Variants in PHACTR1 observed in about 807,000 individuals in gnomAD.
PHACTR1 encodes the protein RPEL repeat containing 1.
A neutral mutation model predicts 69.2 loss-of-function variants in PHACTR1; 16 were observed. That is an observed-to-expected ratio of 0.23 (90% confidence interval 0.16 to 0.35). The LOEUF is 0.35. Ranked by LOEUF, PHACTR1 falls within the 10% of genes least tolerant of loss-of-function variation. The pLI, the probability that PHACTR1 is intolerant of heterozygous loss-of-function variation, is 1.00. For synonymous variants in PHACTR1, 312 were observed against 284.5 expected, an observed-to-expected ratio of 1.10 and a Z score of -0.97; for missense variants, 510 against 734.7, an observed-to-expected ratio of 0.69 and a Z score of 3.54.
At chr6:12,975,103 T>C (rs1794707205) in intron 4 of PHACTR1, among the ~76,000 whole-genome samples, 1 of 152,196 alleles carries the variant, frequency 6.6e-6, no homozygotes, top group African/African-American at 2.4e-5. Flanking sequence ...GTGCTGACTC[T>C]ATCTGTTACA....
At chr6:13,219,551 A>G (rs755572148) in intron 8 of PHACTR1, among the ~76,000 whole-genome samples, 2 of 152,102 alleles carry the variant, frequency 1.3e-5, no homozygotes, top group Non-Finnish European at 2.9e-5. Context: ...GCAAGGCTGG[A>G]TTATCCAGCC....
At chr6:13,262,658 A>G (rs1046470391) in intron 10 of PHACTR1, among the ~76,000 whole-genome samples, 2 of 152,200 alleles carry the variant, frequency 1.3e-5, no homozygotes, top group Middle Eastern at 3.2e-3. Flanking sequence ...GGAAGTTTCC[A>G]AAGGATGTAG....
chr6:13,218,160 TG>T (rs1283146435), intron 8 of PHACTR1, among the ~76,000 whole-genome samples: 1 of 152,242 alleles, frequency 6.6e-6, no homozygotes, highest in Non-Finnish European at 1.5e-5. Context: ...GAAATGATGG[TG>T]AAATGGATCC....
intron 4 of PHACTR1, among the ~76,000 whole-genome samples, chr6:12,855,660 GGAGGT>G (rs1216803170): frequency 1.3e-5 from 2 of 152,090 alleles, no homozygotes; most frequent in African/African-American, 4.8e-5. Context: ...AGGGAGGAAG[GGAGGT>G]AGTGGCTGAA....
chr6:12,725,813 T>C (rs2127563426), intron 3 of PHACTR1, among the ~76,000 whole-genome samples: 1 of 152,300 alleles, frequency 6.6e-6, no homozygotes, highest in Admixed American at 6.5e-5. Flanking sequence ...GCACTAACAT[T>C]TATTAAATGT....
chr6:13,133,738 GTC>G (rs1820961300), intron 5 of PHACTR1, among the ~76,000 whole-genome samples: 1 of 151,888 alleles, frequency 6.6e-6, no homozygotes. Context: ...AGTGAGGAGC[GTC>G]TCTGCCTGGC....
intron 4 of PHACTR1, among the ~76,000 whole-genome samples, chr6:12,948,762 A>G (rs543894157): frequency 1.3e-5 from 2 of 152,172 alleles, no homozygotes; most frequent in Non-Finnish European, 2.9e-5. Flanking sequence ...CATCATCTAC[A>G]TTTCATTCAC....
intron 4 of PHACTR1, among the ~76,000 whole-genome samples, chr6:12,947,845 A>C (rs774889672): frequency 9.2e-5 from 14 of 152,220 alleles, no homozygotes; most frequent in Admixed American, 2.0e-4. Flanking sequence ...CAGTCTGAAA[A>C]CTTTATGAGG....
intron 4 of PHACTR1, among the ~76,000 whole-genome samples, chr6:12,950,667 A>G (rs1791182037): frequency 1.3e-5 from 2 of 152,172 alleles, no homozygotes; most frequent in Admixed American, 6.5e-5. Context: ...TATACATGAG[A>G]AAAAGGAGGC....
At chr6:12,956,481 A>G (rs1791912910) in intron 4 of PHACTR1, among the ~76,000 whole-genome samples, 1 of 152,196 alleles carries the variant, frequency 6.6e-6, no homozygotes, top group East Asian at 1.9e-4. Flanking sequence ...ACCTTCACCT[A>G]GGACAGGCGT....
chr6:12,950,543 C>T (rs1172576854), intron 4 of PHACTR1, among the ~76,000 whole-genome samples: 1 of 152,110 alleles, frequency 6.6e-6, no homozygotes, highest in Non-Finnish European at 1.5e-5. Flanking sequence ...AGAGGTTTTC[C>T]GGGAGAAGGG....
intron 5 of PHACTR1, among the ~76,000 whole-genome samples, chr6:13,106,863 A>G (rs921797595): frequency 1.3e-5 from 2 of 152,096 alleles, no homozygotes; most frequent in Non-Finnish European, 2.9e-5. Flanking sequence ...TGTTTCACTA[A>G]CCTTGCATGA....
intron 4 of PHACTR1, among the ~76,000 whole-genome samples, chr6:12,923,551 A>G (rs779562516): frequency 1.3e-5 from 2 of 152,214 alleles, no homozygotes; most frequent in Non-Finnish European, 2.9e-5. Flanking sequence ...CATTTTCCTA[A>G]TACCAATACT....
rs776969014 is a variant in PHACTR1 at position 13,272,751 on chromosome 6, C to T, written c.1392-109C>T. On this transcript the variant is annotated intron_variant, in intron 10 of 14. Transcript: ENST00000332995. ...CAGTCTTTCAGAGCACAGGATGGAA[C>T]AAGAACTCCAGCCACTGACTGTCTC... 4 of 1,612,478 alleles carry T rather than the reference C, an allele frequency of 2.5e-6. No homozygotes were observed. The South Asian group carries it at 3.3e-5, about 13-fold the overall frequency.
chr6:12,745,788 C>A (rs1028390564), intron 3 of PHACTR1, among the ~76,000 whole-genome samples: 3 of 152,166 alleles, frequency 2.0e-5, no homozygotes, highest in African/African-American at 7.2e-5. Flanking sequence ...AGTTAGGCAG[C>A]GCCTTTAAGA....
intron 5 of PHACTR1, among the ~76,000 whole-genome samples, chr6:13,140,492 A>G (rs1822273795): frequency 6.6e-6 from 1 of 152,198 alleles, no homozygotes; most frequent in African/African-American, 2.4e-5. Flanking sequence ...TATAGCACGG[A>G]TGACCCTCGA....
intron 10 of PHACTR1, among the ~76,000 whole-genome samples, chr6:13,263,718 T>C (rs1003386143): frequency 2.6e-5 from 4 of 152,256 alleles, no homozygotes; most frequent in Non-Finnish European, 5.9e-5. Context: ...TAATTTAATG[T>C]TAGTTTTAAT....
Position 12,957,635 on chromosome 6 carries a change from C to T in PHACTR1, c.251-95730C>T, listed in dbSNP as rs780987281. 2.2e-4 allele frequency: 219 copies of T among 985,464 alleles called. 1 individual carries two copies. The highest frequency in any genetic ancestry group is 5.5e-5 in the Non-Finnish European group (46 of 830,112). 61.0% of individuals were successfully genotyped at this position (985,464 alleles called of 1,614,324 possible). ...GTCACACCCAGGAGGGGTTGGTGTG[C>T]CTGCCAACTGTTCTGGGCTCTGAGT... On this transcript the variant is annotated intron_variant, in intron 4 of 14. Coordinates refer to ENST00000332995, the MANE Select transcript of PHACTR1 (RefSeq NM_030948.6).
intron 4 of PHACTR1, among the ~76,000 whole-genome samples, chr6:12,998,850 G>A (rs1797753663): frequency 6.6e-6 from 1 of 152,072 alleles, no homozygotes. Context: ...GACAAAATAT[G>A]AGCAAGTAAT....
Sources: gnomAD v4.1 joint callset for allele counts (sites outside exome capture counted in the v4.1 genomes callset) on GRCh38, gnomAD v4.1.1 for gene constraint, MANE v1.5 for transcripts, NCBI Gene and HGNC (gene_info 2026-07-23, HGNC 2026-07-21) for gene names.